CFAP47: variants seen among roughly 807,000 people sequenced by gnomAD.
The protein encoded by CFAP47 is cilia- and flagella-associated protein 47.
CFAP47 carries 29 observed loss-of-function variants against 148.1 expected under a neutral mutation model. That is an observed-to-expected ratio of 0.20 (90% CI 0.15 to 0.27). The LOEUF is 0.27. CFAP47 is among the 10% of genes least tolerant of loss of function. The pLI, the probability that CFAP47 is intolerant of heterozygous loss-of-function variation, is 1.00. For missense variants in CFAP47, 1,872 were observed against 1,697.5 expected, an observed-to-expected ratio of 1.10 and a Z score of -1.81; for synonymous variants, 664 against 577.3, an observed-to-expected ratio of 1.15 and a Z score of -2.15.
chrX:36,375,509 G>C (rs999143035), intron 62 of CFAP47, among the ~76,000 whole-genome samples: 27 of 112,066 alleles, frequency 2.4e-4, no homozygotes, highest in African/African-American at 7.5e-4. Context: ...CTGTTGGATA[G>C]AATGTTCTGC....
At chrX:36,249,131 G>C (rs1940660698) in intron 48 of CFAP47, among the ~76,000 whole-genome samples, 1 of 109,792 alleles carries the variant, frequency 9.1e-6, no homozygotes, top group African/African-American at 3.3e-5. Flanking sequence ...TAAGTAACTA[G>C]AAAAACAAGC....
intron 33 of CFAP47, among the ~76,000 whole-genome samples, chrX:36,114,701 C>T (rs750332035): frequency 2.7e-5 from 3 of 110,587 alleles, no homozygotes; most frequent in Non-Finnish European, 3.8e-5. Flanking sequence ...TCTGGCTCCT[C>T]GAGTTTAGGA....
intron 55 of CFAP47, among the ~76,000 whole-genome samples, chrX:36,309,205 T>C (rs981748317): frequency 2.7e-5 from 3 of 110,966 alleles, no homozygotes; most frequent in Non-Finnish European, 5.7e-5. Flanking sequence ...GATTGTATGA[T>C]TTGTTTCATC....
At chrX:36,301,683 G>A (rs1941300245) in intron 53 of CFAP47, among the ~76,000 whole-genome samples, 1 of 110,428 alleles carries the variant, frequency 9.1e-6, no homozygotes, top group Non-Finnish European at 1.9e-5. Context: ...TTAGGCTTAG[G>A]GACAAGCAGA....
At chrX:35,984,844 T>C (rs995404237) in intron 15 of CFAP47, among the ~76,000 whole-genome samples, 1 of 111,625 alleles carries the variant, frequency 9.0e-6, no homozygotes, top group African/African-American at 3.3e-5. Context: ...TTACTGATAA[T>C]TTTTCTATGG....
At chrX:36,027,237 T>C (rs1416277809) in intron 22 of CFAP47, among the ~76,000 whole-genome samples, 1 of 107,915 alleles carries the variant, frequency 9.3e-6, no homozygotes, top group Non-Finnish European at 1.9e-5. Context: ...ATGTCTTACA[T>C]GCATATGTTG....
At chrX:35,986,367 T>G (rs1175458873) in intron 15 of CFAP47, among the ~76,000 whole-genome samples, 1 of 108,691 alleles carries the variant, frequency 9.2e-6, no homozygotes, top group Non-Finnish European at 1.9e-5. Context: ...ATCTTCAAAC[T>G]CTGATATCCT....
chrX:36,111,564 A>G (rs1274323492), intron 33 of CFAP47, among the ~76,000 whole-genome samples: 1 of 110,987 alleles, frequency 9.0e-6, no homozygotes, highest in Non-Finnish European at 1.9e-5. Context: ...TGAAGATTTC[A>G]TTTTTTTGTT....
chrX:35,984,159 G>C (rs1010420920), intron 15 of CFAP47, among the ~76,000 whole-genome samples: 2 of 111,625 alleles, frequency 1.8e-5, no homozygotes, highest in Admixed American at 1.9e-4. Flanking sequence ...GGTCTGTTCA[G>C]GGTTTCACTT....
chrX:36,039,531 A>G (rs1397012881), intron 25 of CFAP47, among the ~76,000 whole-genome samples: 1 of 112,167 alleles, frequency 8.9e-6, no homozygotes, highest in Non-Finnish European at 1.9e-5. Context: ...TTTGTTTATT[A>G]TCTTGCAGTT....
intron 46 of CFAP47, 21 bp downstream of exon 46, chrX:36,228,845 T>C (rs1265008101): frequency 2.0e-6 from 1 of 509,387 alleles, no homozygotes; most frequent in African/African-American, 2.3e-5. Flanking sequence ...ACTTTTTTGG[T>C]ACCTTTCTTT....
At chrX:36,370,693 A>G (rs782283908) in intron 62 of CFAP47, among the ~76,000 whole-genome samples, 108 of 111,063 alleles carry the variant, frequency 9.7e-4, no homozygotes, top group Non-Finnish European at 1.7e-3. Flanking sequence ...TAGAAATTTC[A>G]AGTTATCTTG....
chrX:36,182,343 G>A (rs942486557), intron 40 of CFAP47, among the ~76,000 whole-genome samples: 5 of 111,375 alleles, frequency 4.5e-5, no homozygotes, highest in East Asian at 5.6e-4. Flanking sequence ...GGGTTTTGTC[G>A]GTGAGGAGAA....
chrX:36,384,959 G>C lies in CFAP47; in HGVS notation c.9517G>C (p.Gly3173Arg), dbSNP rs1942114365. 1 of 1,165,335 alleles carries C rather than the reference G, an allele frequency of 8.6e-7. No homozygotes were observed. Among genetic ancestry groups the C allele is most frequent in the Non-Finnish European group, 1.1e-6 (1 of 871,895 alleles). ...VRENTKLIRT[G>R]VSSTIKGAPL... The stretch of plus-strand genomic sequence containing the variant: ...TGAAAATACTAAACTCATAAGAACA[G>C]GGGTGTCTTCCACCATCAAGGGTGC... The change falls in exon 64 of 64, where the codon GGG (glycine) becomes CGG (arginine). Residue 3173 changes from glycine (G) to arginine (R), a missense_variant. Physicochemically the swap from Gly to Arg is moderately radical, Grantham distance 125. Transcript: ENST00000378653.
At chrX:36,299,500 A>G (rs1941277435) in intron 52 of CFAP47, among the ~76,000 whole-genome samples, 1 of 111,959 alleles carries the variant, frequency 8.9e-6, no homozygotes, top group African/African-American at 3.2e-5. Flanking sequence ...GAGGAAAATT[A>G]ACTTATATAT....
chrX:35,932,504 G>A lies in CFAP47; in HGVS notation c.401+6336G>A, dbSNP rs922688563. On this transcript the variant is annotated intron_variant, in intron 2 of 63. Coordinates refer to ENST00000378653, the MANE Select transcript of CFAP47 (RefSeq NM_001304548.2). ...TGGGCTCAAGCAATCCTCCCACCTT[G>A]GCCTCCCAAAATGCTGGGATTACAG... Among the ~76,000 whole-genome samples, 9 of 109,816 alleles carry A rather than the reference G, an allele frequency of 8.2e-5. No individual in the cohort carries two copies. In the East Asian group the frequency reaches 2.0e-3, roughly 25 times the overall value.
In CFAP47 at chrX:36,150,586, T is replaced by C. The variant is rs764214506; in HGVS notation, c.5786+1363T>C. Among the ~76,000 whole-genome samples, 768 of 111,915 alleles carry C rather than the reference T, an allele frequency of 6.9e-3. 4 individuals are homozygous for C. The highest frequency in any genetic ancestry group is 0.012 in the Non-Finnish European group (629 of 53,098). On this transcript the variant is annotated intron_variant, in intron 37 of 63. Transcript: ENST00000378653. ...GAGTAACTTTTCAAGCTGTAGTCTT[T>C]ATTTCTGTACTAGTATATCAAACAC...
At position 36,315,052 on chromosome X, in the gene CFAP47, T is replaced by C. The variant is rs1369617901; in HGVS notation, c.8344+4063T>C. Among the ~76,000 whole-genome samples, 4 of 112,045 alleles carry C rather than the reference T, an allele frequency of 3.6e-5. No individual in the cohort carries two copies. The East Asian group carries it at 1.1e-3, about 31-fold the overall frequency. Reference sequence around the variant, plus strand: ...GAATTTTCCCTAAAGCCTGAGAATCTGTTTCTTTAGCAAACATATTTAATG... The same window carrying C: ...GAATTTTCCCTAAAGCCTGAGAATCCGTTTCTTTAGCAAACATATTTAATG... On this transcript the variant is annotated intron_variant, in intron 56 of 63. Coordinates refer to ENST00000378653, the MANE Select transcript of CFAP47 (RefSeq NM_001304548.2).
chrX:35,973,053 T>A (rs1267828715), intron 13 of CFAP47, among the ~76,000 whole-genome samples: 3 of 112,220 alleles, frequency 2.7e-5, no homozygotes, highest in Non-Finnish European at 5.6e-5. Flanking sequence ...TGAAATGTTA[T>A]CTCATTGTGG....
Sources: allele counts gnomAD v4.1 joint callset (sites outside exome capture counted in the v4.1 genomes callset), GRCh38; gene constraint gnomAD v4.1.1; transcripts MANE v1.5; gene names NCBI Gene and HGNC (gene_info 2026-07-23, HGNC 2026-07-21).